The following KIF24 variants were observed in gnomAD, a reference collection of about 807,000 sequenced individuals.
KIF24 encodes the protein kinesin-like protein KIF24.
KIF24 carries 81 observed loss-of-function variants against 118.9 expected under a neutral mutation model. That is an observed-to-expected ratio of 0.68 (90% CI 0.57 to 0.82). KIF24 has a LOEUF of 0.82. Ranked by LOEUF, KIF24 falls within the 40% of genes least tolerant of loss-of-function variation. The pLI is 0.00. For missense variants in KIF24, 1,560 were observed against 1,661.6 expected, an observed-to-expected ratio of 0.94 and a Z score of 1.06; for synonymous variants, 599 against 610.0, an observed-to-expected ratio of 0.98 and a Z score of 0.27.
At chr9:34,278,833 T>C (rs1315399355) in intron 6 of KIF24, among the ~76,000 whole-genome samples, 1 of 152,158 alleles carries the variant, frequency 6.6e-6, no homozygotes, top group African/African-American at 2.4e-5. Flanking sequence ...TAATGATAAC[T>C]GGGCCTGGTG....
At position 34,318,447 on chromosome 9, in the gene KIF24, T is replaced by C. The variant is rs1837400289; in HGVS notation, c.-25-7076A>G. 7.0e-6 allele frequency: 5 copies of C among 715,590 alleles called. No individual in the cohort carries two copies. The highest frequency in any genetic ancestry group is 2.9e-5 in the South Asian group (2 of 67,836). The allele number at this position is 715,590 out of a possible 1,614,324, so 44.3% of individuals were successfully genotyped here. ...CTCAGCGCCTTCTGCCTCCTGGCGG[T>C]GGCCTTGGCGACCGAGGTGAAGAAA... On this transcript the variant is annotated intron_variant, in intron 1 of 12. Transcript: ENST00000402558. The surrounding 1 kb of genome is among the most constrained non-coding windows in gnomAD (Gnocchi z 4.9).
intron 3 of KIF24, among the ~76,000 whole-genome samples, chr9:34,304,780 G>A (rs1447380013): frequency 1.3e-5 from 2 of 152,052 alleles, no homozygotes; most frequent in African/African-American, 4.8e-5. Context: ...AGAAAAAGAA[G>A]AACAATACAA....
At chr9:34,286,500 C>T (rs1836056498) in intron 6 of KIF24, 117 bp downstream of exon 6, 9 of 672,220 alleles carry the variant, frequency 1.3e-5, no homozygotes, top group South Asian at 1.1e-4. Flanking sequence ...AAGTGGTGGG[C>T]TTGTCATTGC....
chr9:34,332,516 AACAG>A (rs1447023897), upstream of KIF24, among the ~76,000 whole-genome samples: 2 of 152,204 alleles, frequency 1.3e-5, no homozygotes, highest in Non-Finnish European at 1.5e-5. Flanking sequence ...GGATACGCAC[AACAG>A]ACAAATTCCC....
chr9:34,319,076 A>G lies in KIF24; in HGVS notation c.-25-7705T>C, dbSNP rs551662655. On this transcript the variant is annotated intron_variant, in intron 1 of 12. Transcript: ENST00000402558. ...CAAGATGGTGGAAAACCGTGGCTTC[A>G]TGGTGACTCGGTTCTATACCGTGGG... The G allele has an allele frequency of 6.0e-4, 795 of 1,319,216 alleles. 1 individual carries two copies. Among genetic ancestry groups the G allele is most frequent in the South Asian group, 9.7e-4 (83 of 85,172 alleles). The allele number at this position is 1,319,216 out of a possible 1,614,324, so 81.7% of individuals were successfully genotyped here.
chr9:34,282,258 TA>T (rs1187787668), intron 6 of KIF24, among the ~76,000 whole-genome samples: 1 of 152,138 alleles, frequency 6.6e-6, no homozygotes, highest in Non-Finnish European at 1.5e-5. Flanking sequence ...GAAAATAAAC[TA>T]AGTGAAAGAA....
intron 1 of KIF24, among the ~76,000 whole-genome samples, chr9:34,311,996 A>T (rs1430207426): frequency 6.6e-6 from 1 of 152,140 alleles, no homozygotes; most frequent in Non-Finnish European, 1.5e-5. Flanking sequence ...ACTGTTTCCC[A>T]TGAATAATGA....
rs191794911 is a variant in KIF24, at chr9:34,318,721, G to A, written c.-25-7350C>T. The A allele has an allele frequency of 4.1e-4, 612 of 1,505,468 alleles. No individual in the cohort carries two copies. Among genetic ancestry groups the A allele is most frequent in the Admixed American group, 7.1e-4 (38 of 53,238 alleles). 93.3% of individuals were successfully genotyped at this position (1,505,468 alleles called of 1,614,324 possible). On this transcript the variant is annotated intron_variant, in intron 1 of 12. Coordinates refer to ENST00000402558, the MANE Select transcript of KIF24 (RefSeq NM_194313.4). This position sits in a 1 kb window ranked among gnomAD's most constrained non-coding sequence, Gnocchi z 4.9. ...GTGCCAAGCAGCTGAGCGACGAGGA[G>A]GTGCACGCCGGCGTGGGCGAGCCGC... is the stretch of plus-strand genomic sequence containing the variant.
At chr9:34,259,310 C>T (rs1219956797) in intron 10 of KIF24, among the ~76,000 whole-genome samples, 2 of 152,170 alleles carry the variant, frequency 1.3e-5, no homozygotes, top group Non-Finnish European at 2.9e-5. Flanking sequence ...TCTCACTAGC[C>T]ATTTAAAAGC....
At chr9:34,311,976 A>C (rs1272587449) in intron 1 of KIF24, among the ~76,000 whole-genome samples, 2 of 152,170 alleles carry the variant, frequency 1.3e-5, no homozygotes. Flanking sequence ...ATGTCAAGGC[A>C]TGCTGCACAA....
intron 5 of KIF24, among the ~76,000 whole-genome samples, chr9:34,289,055 C>T (rs544183889): frequency 4.3e-4 from 66 of 152,232 alleles, no homozygotes; most frequent in African/African-American, 1.6e-3. Flanking sequence ...GCAACTCTTC[C>T]TCAAGCATCC....
rs778142590 is a variant in KIF24, at chr9:34,301,997, CT to C, written c.813+4254del. ...TTTTTCTATATATGTATTTTTTTTT[CT>C]TTTTTTTTTTTTTTGAGACAGAGTC... is the stretch of plus-strand genomic sequence containing the variant. On this transcript the variant is annotated intron_variant, in intron 3 of 12. Coordinates refer to ENST00000402558, the MANE Select transcript of KIF24 (RefSeq NM_194313.4). Among the ~76,000 whole-genome samples, 765 of 137,608 alleles carry C rather than the reference CT, an allele frequency of 5.6e-3. 7 individuals carry two copies. Among genetic ancestry groups the C allele is most frequent in the African/African-American group, 0.014 (509 of 37,126 alleles). 90.3% of individuals were successfully genotyped at this position (137,608 alleles called of 152,430 possible). A position where few individuals can be genotyped will look rare whatever the true frequency, so the allele number is the denominator to read the frequency against.
Position 34,309,969 on chromosome 9 carries a change from C to CTT in KIF24, c.623+753_623+754dup, listed in dbSNP as rs201063121. Reference sequence around the variant, plus strand: ...AATGTTTAAAATAAAACAAGGAGTACTTTTTTTTTTTTTTTACAAGATTAA... The same window carrying CTT: ...AATGTTTAAAATAAAACAAGGAGTACTTTTTTTTTTTTTTTTTACAAGATTAA... On this transcript the variant is annotated intron_variant, in intron 2 of 12. Transcript: ENST00000402558. Among the ~76,000 whole-genome samples, 76 of 123,434 alleles carry CTT rather than the reference C, an allele frequency of 6.2e-4. 1 individual carries two copies. Among genetic ancestry groups the CTT allele is most frequent in the South Asian group, 7.2e-4 (3 of 4,146 alleles). The allele number at this position is 123,434 out of a possible 152,430, so 81.0% of individuals were successfully genotyped here. A position where few individuals can be genotyped will look rare whatever the true frequency, so the allele number is the denominator to read the frequency against.
chr9:34,303,568 G>C (rs1042191628), intron 3 of KIF24, among the ~76,000 whole-genome samples: 8 of 152,164 alleles, frequency 5.3e-5, no homozygotes, highest in Admixed American at 4.6e-4. Flanking sequence ...AGATTGGTCA[G>C]GCCAGGCGTG....
At chr9:34,326,123 G>A (rs1837664801) in intron 1 of KIF24, among the ~76,000 whole-genome samples, 1 of 152,188 alleles carries the variant, frequency 6.6e-6, no homozygotes, top group African/African-American at 2.4e-5. Context: ...TTAGGAGGCT[G>A]AGGGAGGATT....
At chr9:34,319,761 G>T in intron 1 of KIF24, 1 of 604,806 alleles carries the variant, frequency 1.7e-6, no homozygotes, top group Non-Finnish European at 3.1e-6. Context: ...GATACTCCAT[G>T]GGTGGGGGTG....
chr9:34,312,191 C>T (rs988884143), intron 1 of KIF24, among the ~76,000 whole-genome samples: 1 of 152,110 alleles, frequency 6.6e-6, no homozygotes, highest in Non-Finnish European at 1.5e-5. Flanking sequence ...CAGATCATTC[C>T]AAAAGGTGGT....
At position 34,253,235 on chromosome 9, in the gene KIF24, T is replaced by C. The variant is rs1284875953; in HGVS notation, c.*1145A>G. On this transcript the variant is annotated 3_prime_UTR_variant, in exon 13 of 13. Transcript: ENST00000402558. ...CTTTTAAAACCGTAAAAAGTTATCCTTTATCTGAAGGAAATAAAGGCTCAC... is the reference window on the plus strand; with the variant it reads ...CTTTTAAAACCGTAAAAAGTTATCCCTTATCTGAAGGAAATAAAGGCTCAC... 4 of 152,230 alleles carry C rather than the reference T, an allele frequency of 2.6e-5. No homozygotes were observed. The highest frequency in any genetic ancestry group is 5.9e-5 in the Non-Finnish European group (4 of 68,036). The allele number at this position is 152,230 out of a possible 1,614,324, so 9.4% of individuals were successfully genotyped here.
At position 34,256,983 on chromosome 9, in the gene KIF24, C is replaced by T. The variant is rs1171529107; in HGVS notation, c.2624G>A (p.Ser875Asn). ...ACCTGTCCTGGGGCTAGAAAACAGA[C>T]TCTGCTGTCTTTCTGCCACCTGCTT... Reference protein sequence around the residue: ...PEKQVAERQQSLFSSPRTGDK... With the variant: ...PEKQVAERQQNLFSSPRTGDK... The change falls in exon 11 of 13, where the codon AGT (serine) becomes AAT (asparagine). Residue 875 changes from serine to asparagine, a missense_variant. Ser to Asn is a conservative substitution (Grantham distance 46, BLOSUM62 1). Coordinates refer to ENST00000402558, the MANE Select transcript of KIF24 (RefSeq NM_194313.4). 1.9e-6 allele frequency: 3 copies of T among 1,614,042 alleles called. No individual in the cohort carries two copies. The highest frequency in any genetic ancestry group is 1.6e-4 in the Middle Eastern group (1 of 6,062).
Sources: gnomAD v4.1 joint callset for allele counts (sites outside exome capture counted in the v4.1 genomes callset) on GRCh38, gnomAD v4.1.1 for gene constraint, Gnocchi (gnomAD v3.1) non-coding constraint, MANE v1.5 for transcripts, NCBI Gene and HGNC (gene_info 2026-07-23, HGNC 2026-07-21) for gene names.